The following EYS variants were observed in gnomAD, a reference collection of about 807,000 sequenced individuals.
The protein encoded by EYS is EGF-like photoreceptor maintenance factor.
In EYS, 250 loss-of-function variants were observed where a neutral mutation model predicts 282.1. That is an observed-to-expected ratio of 0.89 (90% CI 0.80 to 0.98). The LOEUF (loss-of-function observed/expected upper bound fraction) is 0.98, where lower values mean the gene tolerates loss of function less well. Ranked by LOEUF, EYS falls within the 50% of genes least tolerant of loss-of-function variation. EYS has a pLI of 0.00. For missense variants in EYS, 4,016 were observed against 3,709.0 expected (o/e 1.08, Z -2.15); for synonymous variants, 1,355 against 1,282.9 (o/e 1.06, Z -1.20).
intron 29 of EYS, among the ~76,000 whole-genome samples, chr6:64,346,028 T>C (rs1771377030): frequency 6.6e-6 from 1 of 151,766 alleles, no homozygotes; most frequent in Non-Finnish European, 1.5e-5. Context: ...GTTAGAATGG[T>C]GATCATTAAA....
chr6:64,365,859 C>T (rs748303323), intron 29 of EYS, among the ~76,000 whole-genome samples: 1 of 151,908 alleles, frequency 6.6e-6, no homozygotes, highest in Non-Finnish European at 1.5e-5. Flanking sequence ...TGGTTGTACA[C>T]AGGTAACTGA....
intron 2 of EYS, among the ~76,000 whole-genome samples, chr6:65,531,530 G>T (rs1462459205): frequency 6.6e-6 from 1 of 152,134 alleles, no homozygotes; most frequent in Non-Finnish European, 1.5e-5. Flanking sequence ...CCCAAAGTCA[G>T]ACTACATGAA....
intron 22 of EYS, among the ~76,000 whole-genome samples, chr6:64,754,586 A>T (rs1047576510): frequency 3.3e-5 from 5 of 152,310 alleles, no homozygotes; most frequent in Middle Eastern, 3.4e-3. Flanking sequence ...AAAAATCTTC[A>T]ATAAAATGCT....
At chr6:64,140,604 A>G (rs1774308815) in intron 31 of EYS, among the ~76,000 whole-genome samples, 1 of 152,168 alleles carries the variant, frequency 6.6e-6, no homozygotes, top group Non-Finnish European at 1.5e-5. Context: ...TGGGCTGTGT[A>G]TGCCCCCAGC....
chr6:65,422,894 G>T (rs2150378228), intron 5 of EYS, among the ~76,000 whole-genome samples: 1 of 151,656 alleles, frequency 6.6e-6, no homozygotes, highest in Non-Finnish European at 1.5e-5. Context: ...ACAAGTGCAA[G>T]AAAGCTTATG....
intron 29 of EYS, among the ~76,000 whole-genome samples, chr6:64,323,808 G>A (rs1451429808): frequency 6.6e-6 from 1 of 152,116 alleles, no homozygotes; most frequent in African/African-American, 2.4e-5. Flanking sequence ...GACATATGGA[G>A]TGTGCAGTAG....
At chr6:65,098,890 TAA>T (rs1774812083) in intron 12 of EYS, among the ~76,000 whole-genome samples, 1 of 150,724 alleles carries the variant, frequency 6.6e-6, no homozygotes, top group South Asian at 2.1e-4. Flanking sequence ...AAGGAAATTA[TAA>T]AGTTTAAAAA....
chr6:65,201,168 T>C (rs865920839), intron 12 of EYS, among the ~76,000 whole-genome samples: 1 of 152,136 alleles, frequency 6.6e-6, no homozygotes, highest in African/African-American at 2.4e-5. Context: ...AATCTTGCTA[T>C]GAAAGGTGCA....
chr6:65,370,231 CCTTT>C (rs1263956178), intron 8 of EYS, among the ~76,000 whole-genome samples: 1 of 148,544 alleles, frequency 6.7e-6, no homozygotes, highest in Non-Finnish European at 1.5e-5. Context: ...TTCTTTCTTT[CCTTT>C]CTATTTCTTT....
chr6:64,156,553 G>A (rs1021210536), intron 31 of EYS, among the ~76,000 whole-genome samples: 1 of 152,186 alleles, frequency 6.6e-6, no homozygotes, highest in Non-Finnish European at 1.5e-5. Flanking sequence ...TGGCTCAGAA[G>A]AAGATAGGAA....
intron 29 of EYS, among the ~76,000 whole-genome samples, chr6:64,385,890 T>G (rs1348698145): frequency 6.6e-6 from 1 of 152,330 alleles, no homozygotes; most frequent in East Asian, 1.9e-4. Context: ...TTGTGACATT[T>G]TTTTCCTTTG....
At chr6:65,171,233 G>A (rs886325567) in intron 12 of EYS, among the ~76,000 whole-genome samples, 2 of 151,364 alleles carry the variant, frequency 1.3e-5, no homozygotes, top group African/African-American at 4.8e-5. Flanking sequence ...CCTAATTATT[G>A]GGTCTTACAT....
chr6:64,282,811 T>C (rs769858008), intron 30 of EYS, among the ~76,000 whole-genome samples: 2 of 152,220 alleles, frequency 1.3e-5, no homozygotes, highest in East Asian at 1.9e-4. Context: ...TGAAAGTCTA[T>C]TGCTTCTGCA....
intron 2 of EYS, among the ~76,000 whole-genome samples, chr6:65,558,558 G>T (rs1337462676): frequency 6.6e-6 from 1 of 152,208 alleles, no homozygotes. Flanking sequence ...CAGCTCCACA[G>T]ATTGCACATC....
intron 5 of EYS, among the ~76,000 whole-genome samples, chr6:65,460,441 G>A (rs1764790370): frequency 1.3e-5 from 2 of 151,898 alleles, no homozygotes; most frequent in Admixed American, 1.3e-4. Flanking sequence ...GAGAACATAT[G>A]GTACAGAAAG....
chr6:65,208,952 T>C (rs1004958648), intron 12 of EYS, among the ~76,000 whole-genome samples: 6 of 151,832 alleles, frequency 4.0e-5, no homozygotes, highest in African/African-American at 1.4e-4. Flanking sequence ...TATTGTAAGA[T>C]ATATTACTCA....
intron 39 of EYS, among the ~76,000 whole-genome samples, chr6:63,783,882 G>GTT (rs1340991923): frequency 6.6e-6 from 1 of 152,186 alleles, no homozygotes; most frequent in Non-Finnish European, 1.5e-5. Flanking sequence ...AATATTGTGT[G>GTT]TGTGTGTGTG....
intron 36 of EYS, among the ~76,000 whole-genome samples, chr6:63,809,076 G>A (rs67725686): frequency 0.081 from 12,374 of 152,154 alleles, 564 homozygotes; most frequent in East Asian, 0.16. Context: ...ACTTCAAGGG[G>A]CTTTTTCTTT....
Position 64,591,289 on chromosome 6 carries a change from A to G in EYS, c.4578T>C (p.Tyr1526=). The G allele has an allele frequency of 6.4e-7, 1 of 1,551,368 alleles. No homozygotes were observed. The highest frequency in any genetic ancestry group is 8.7e-7 in the Non-Finnish European group (1 of 1,146,782). Residue 1526 remains tyrosine (Y), a synonymous_variant, in exon 26 of 43, where the codon TAT becomes TAC. Coordinates refer to ENST00000503581, the MANE Select transcript of EYS (RefSeq NM_001142800.2). Reference sequence around the variant, plus strand: ...TGCTTGAAGCCTCAGTAATAGCCTGATATTCACTGGGATTGAAGGCTTTTG... The same window carrying G: ...TGCTTGAAGCCTCAGTAATAGCCTGGTATTCACTGGGATTGAAGGCTTTTG... ...FSTKAFNPSE[Y]QAITEASSNQ...
Sources: allele counts gnomAD v4.1 joint callset (sites outside exome capture counted in the v4.1 genomes callset), GRCh38; gene constraint gnomAD v4.1.1; transcripts MANE v1.5; gene names NCBI Gene and HGNC (gene_info 2026-07-23, HGNC 2026-07-21).